CARMIL1: variants seen among roughly 807,000 people sequenced by gnomAD.
CARMIL1 encodes the protein F-actin-uncapping protein LRRC16A.
CARMIL1 carries 90 observed loss-of-function variants against 177.1 expected under a neutral mutation model. The observed-to-expected ratio is 0.51, with a 90% CI of 0.43 to 0.61. The LOEUF (loss-of-function observed/expected upper bound fraction) is 0.61. CARMIL1 is among the 20% of genes least tolerant of loss of function. CARMIL1 has a pLI of 0.00. For synonymous variants in CARMIL1, 577 were observed against 606.2 expected, an observed-to-expected ratio of 0.95 and a Z score of 0.71; for missense variants, 1,380 against 1,667.0, an observed-to-expected ratio of 0.83 and a Z score of 3.00.
chr6:25,441,337 A>ATATATATATATATATGTG, intron 5 of CARMIL1, among the ~76,000 whole-genome samples: 1,275 of 94,368 alleles, frequency 0.014, 18 homozygotes, highest in East Asian at 0.027. Flanking sequence ...ATATATATAT[A>ATATATATATATATATGTG]TGTGTGTGTG....
At chr6:25,607,462 A>G (rs1816088924) in intron 35 of CARMIL1, among the ~76,000 whole-genome samples, 1 of 152,078 alleles carries the variant, frequency 6.6e-6, no homozygotes, top group Non-Finnish European at 1.5e-5. Flanking sequence ...TCACTGCTCC[A>G]TTTTACGGAT....
intron 24 of CARMIL1, among the ~76,000 whole-genome samples, chr6:25,532,728 A>G (rs948144128): frequency 1.3e-5 from 2 of 152,222 alleles, no homozygotes; most frequent in African/African-American, 4.8e-5. Flanking sequence ...ATATTTTTAT[A>G]AGACTCAACA....
chr6:25,406,885 C>T (rs1794420845), intron 2 of CARMIL1, among the ~76,000 whole-genome samples: 1 of 152,032 alleles, frequency 6.6e-6, no homozygotes, highest in Non-Finnish European at 1.5e-5. Context: ...AGTTGGGAGT[C>T]ATCTGGGATG....
At chr6:25,592,157 A>G (rs1408287291) in intron 31 of CARMIL1, among the ~76,000 whole-genome samples, 1 of 152,094 alleles carries the variant, frequency 6.6e-6, no homozygotes, top group Non-Finnish European at 1.5e-5. Context: ...TCATCCATCA[A>G]TCAGGTGACC....
At chr6:25,327,368 C>A (rs534129426) in intron 2 of CARMIL1, among the ~76,000 whole-genome samples, 2 of 152,082 alleles carry the variant, frequency 1.3e-5, no homozygotes. Flanking sequence ...TATGATGAAG[C>A]GGAGATTTGT....
intron 31 of CARMIL1, among the ~76,000 whole-genome samples, chr6:25,588,936 C>T (rs1163944905): frequency 2.0e-5 from 3 of 152,194 alleles, no homozygotes; most frequent in Admixed American, 2.0e-4. Flanking sequence ...GTCAGTTTGC[C>T]ATATATTCTC....
intron 2 of CARMIL1, among the ~76,000 whole-genome samples, chr6:25,300,689 G>C (rs1782791464): frequency 6.6e-6 from 1 of 152,152 alleles, no homozygotes; most frequent in Admixed American, 6.6e-5. Context: ...AAGCATAGGA[G>C]ACCTATCTAG....
intron 2 of CARMIL1, among the ~76,000 whole-genome samples, chr6:25,409,983 C>G (rs1240496867): frequency 6.6e-6 from 1 of 152,104 alleles, no homozygotes; most frequent in Non-Finnish European, 1.5e-5. Flanking sequence ...TACCCCAAAT[C>G]TTATATTCTC....
chr6:25,444,619 C>A lies in CARMIL1; in HGVS notation c.372-5279C>A, dbSNP rs567439155. On this transcript the variant is annotated intron_variant, in intron 5 of 36. Transcript: ENST00000329474. ...ATTCCCACCTTTGAGTGAGAAGATGCGGTGTTTGGTTTTCTGTCCTTGTGA... is the reference window on the plus strand; with the variant it reads ...ATTCCCACCTTTGAGTGAGAAGATGAGGTGTTTGGTTTTCTGTCCTTGTGA... 6.3e-4 allele frequency among the ~76,000 whole-genome samples: 96 copies of A among 152,184 alleles called. No homozygotes were observed. In the South Asian group the frequency reaches 0.012, roughly 18 times the overall value.
At chr6:25,500,086 G>A in intron 16 of CARMIL1, 80 bp from the exon 17 acceptor site, 1 of 1,253,672 alleles carries the variant, frequency 8.0e-7, no homozygotes, top group Non-Finnish European at 1.2e-6. Context: ...CTTTCTCTAG[G>A]CTTTATTCAG....
At position 25,400,372 on chromosome 6, in the gene CARMIL1, G is replaced by A. The variant is rs375205249; in HGVS notation, c.139-19742G>A. Reference sequence around the variant, plus strand: ...GCTTTAGATGAATGTGCATCTTCCTGGATGCTTTTCCTTCCTGCATGATTT... The same window carrying A: ...GCTTTAGATGAATGTGCATCTTCCTAGATGCTTTTCCTTCCTGCATGATTT... On this transcript the variant is annotated intron_variant, in intron 2 of 36. Coordinates refer to ENST00000329474, the MANE Select transcript of CARMIL1 (RefSeq NM_017640.6). Among the ~76,000 whole-genome samples the A allele has an allele frequency of 4.7e-4, 71 of 152,234 alleles. 1 individual carries two copies. Among genetic ancestry groups the A allele is most frequent in the Middle Eastern group, 6.8e-3 (2 of 294 alleles).
chr6:25,311,073 T>A (rs1476194787), intron 2 of CARMIL1, among the ~76,000 whole-genome samples: 1 of 150,810 alleles, frequency 6.6e-6, no homozygotes, highest in Non-Finnish European at 1.5e-5. Flanking sequence ...TACCAGCCAC[T>A]CGGGAGGCTG....
chr6:25,589,085 A>C (rs1814056114), intron 31 of CARMIL1, among the ~76,000 whole-genome samples: 1 of 152,228 alleles, frequency 6.6e-6, no homozygotes, highest in African/African-American at 2.4e-5. Context: ...AGGATCTTCA[A>C]GTCATCTTGT....
intron 17 of CARMIL1, among the ~76,000 whole-genome samples, chr6:25,503,859 T>A (rs1191473989): frequency 6.6e-6 from 1 of 151,974 alleles, no homozygotes. Flanking sequence ...CTAGGATGAG[T>A]CAAGGTCCAG....
chr6:25,282,348 C>G (rs1237903447), intron 1 of CARMIL1, among the ~76,000 whole-genome samples: 2 of 152,028 alleles, frequency 1.3e-5, no homozygotes, highest in Non-Finnish European at 2.9e-5. Flanking sequence ...GCTTGTTTCT[C>G]GAGTTCTGAT....
chr6:25,358,383 A>G (rs80112394), intron 2 of CARMIL1, among the ~76,000 whole-genome samples: 8,658 of 152,314 alleles, frequency 0.057, 292 homozygotes, highest in Non-Finnish European at 0.088. Context: ...CATAAAAAGT[A>G]TATAAGTAGA....
At chr6:25,507,646 A>G (rs1405706230) in intron 17 of CARMIL1, among the ~76,000 whole-genome samples, 4 of 152,216 alleles carry the variant, frequency 2.6e-5, no homozygotes, top group Admixed American at 6.5e-5. Context: ...TTCTATTTCT[A>G]TAAATGGAAT....
rs79716667 is a variant in CARMIL1 at position 25,341,928 on chromosome 6, G to A, written c.138+57019G>A. Among the ~76,000 whole-genome samples the A allele has an allele frequency of 9.4e-3, 1,431 of 152,296 alleles. 25 individuals carry two copies. The highest frequency in any genetic ancestry group is 0.032 in the African/African-American group (1,346 of 41,566). On this transcript the variant is annotated intron_variant, in intron 2 of 36. Transcript: ENST00000329474. ...AGAACAGAAATAACACTGGAAAGGC[G>A]GAGGAGGGGGCACAGGTGCACTTTG...
chr6:25,529,705 G>GCC (rs1435628310), intron 24 of CARMIL1, among the ~76,000 whole-genome samples: 2 of 44,196 alleles, frequency 4.5e-5, no homozygotes, highest in South Asian at 1.6e-3. Flanking sequence ...CCGAGATTGC[G>GCC]CCACTGCAGT....
Sources: gnomAD v4.1 joint callset for allele counts (sites outside exome capture counted in the v4.1 genomes callset) on GRCh38, gnomAD v4.1.1 for gene constraint, MANE v1.5 for transcripts, NCBI Gene and HGNC (gene_info 2026-07-23, HGNC 2026-07-21) for gene names.